TMEM132B: variants seen among roughly 807,000 people sequenced by gnomAD.
TMEM132B encodes transmembrane protein 132B.
TMEM132B carries 18 observed loss-of-function variants against 90.8 expected under a neutral mutation model. The observed-to-expected ratio is 0.20, with a 90% CI of 0.14 to 0.29. TMEM132B has a LOEUF of 0.29. Among genes scored for constraint, TMEM132B ranks in the 10% least tolerant of loss-of-function variants. TMEM132B has a pLI of 1.00. For synonymous variants in TMEM132B, 504 were observed against 523.3 expected (o/e 0.96, Z 0.50); for missense variants, 1,096 against 1,326.8 (o/e 0.83, Z 2.70).
rs1196499198 is a variant in TMEM132B, at chr12:125,609,000, T to C, written c.1437+25006T>C. Among the ~76,000 whole-genome samples, 6 of 152,200 alleles carry C rather than the reference T, an allele frequency of 3.9e-5. No homozygotes were observed. The East Asian group carries it at 1.2e-3, about 29-fold the overall frequency. On this transcript the variant is annotated intron_variant, in intron 5 of 8. Coordinates refer to ENST00000682704, the MANE Select transcript of TMEM132B (RefSeq NM_001366854.1). ...GGAGGCCTCAGGCAACTTACAATCA[T>C]GGTGGAAGGCACCTTTTCACAGAGC...
At chr12:125,499,420 A>G (rs988380583) in intron 3 of TMEM132B, among the ~76,000 whole-genome samples, 1 of 152,234 alleles carries the variant, frequency 6.6e-6, no homozygotes, top group Non-Finnish European at 1.5e-5. Context: ...TGTAAAGACA[A>G]TGCCAGGTTG....
chr12:125,194,192 A>G (rs1416439626), intron 1 of TMEM132B, among the ~76,000 whole-genome samples: 2 of 151,548 alleles, frequency 1.3e-5, no homozygotes, highest in South Asian at 4.2e-4. Flanking sequence ...AATACAGTCC[A>G]ATTTGATTTG....
At chr12:125,306,310 GGTTT>G (rs1565997819) in intron 1 of TMEM132B, among the ~76,000 whole-genome samples, 2 of 152,224 alleles carry the variant, frequency 1.3e-5, no homozygotes, top group Non-Finnish European at 2.9e-5. Flanking sequence ...TGGAGCCTCA[GGTTT>G]TAGCAGATGG....
chr12:125,471,120 C>T (rs192189246), intron 3 of TMEM132B, among the ~76,000 whole-genome samples: 238 of 152,354 alleles, frequency 1.6e-3, no homozygotes, highest in Non-Finnish European at 1.8e-3. Context: ...TCCTGGTGTC[C>T]CATGAGCTCA....
At chr12:125,413,204 T>G (rs889381148) in intron 2 of TMEM132B, among the ~76,000 whole-genome samples, 2 of 152,184 alleles carry the variant, frequency 1.3e-5, no homozygotes, top group African/African-American at 4.8e-5. Context: ...AACTCTACCA[T>G]GAGAGGCTGC....
chr12:125,611,517 A>G (rs1885826517), intron 5 of TMEM132B, among the ~76,000 whole-genome samples: 1 of 151,934 alleles, frequency 6.6e-6, no homozygotes, highest in Admixed American at 6.6e-5. Context: ...GAGAACTTAT[A>G]TTTTTATATA....
intron 3 of TMEM132B, among the ~76,000 whole-genome samples, chr12:125,418,522 T>C (rs1880085370): frequency 6.6e-6 from 1 of 152,230 alleles, no homozygotes; most frequent in Admixed American, 6.5e-5. Flanking sequence ...TATCCCTTTT[T>C]TTGTTGAATT....
intron 3 of TMEM132B, among the ~76,000 whole-genome samples, chr12:125,511,905 C>A (rs988314575): frequency 6.6e-6 from 1 of 151,348 alleles, no homozygotes; most frequent in African/African-American, 2.4e-5. Flanking sequence ...AATTTCCTAG[C>A]TGGAAATCAC....
intron 4 of TMEM132B, among the ~76,000 whole-genome samples, chr12:125,522,398 G>T (rs1883330879): frequency 6.6e-6 from 1 of 152,190 alleles, no homozygotes; most frequent in Non-Finnish European, 1.5e-5. Flanking sequence ...GAAGTGAAGA[G>T]AACTCTAAAG....
intron 1 of TMEM132B, among the ~76,000 whole-genome samples, chr12:125,205,778 A>G (rs1322791283): frequency 6.6e-6 from 1 of 152,176 alleles, no homozygotes; most frequent in Non-Finnish European, 1.5e-5. Context: ...AGCCTTGGAA[A>G]CCACGTCCGT....
intron 4 of TMEM132B, among the ~76,000 whole-genome samples, chr12:125,555,121 G>T (rs1566072157): frequency 6.6e-6 from 1 of 152,130 alleles, no homozygotes; most frequent in Non-Finnish European, 1.5e-5. Context: ...CTAGCAATGA[G>T]GTTTGTACTT....
chr12:125,438,446 T>A (rs1880763949), intron 3 of TMEM132B, among the ~76,000 whole-genome samples: 1 of 152,192 alleles, frequency 6.6e-6, no homozygotes, highest in Non-Finnish European at 1.5e-5. Context: ...GGTCAGCAAA[T>A]AAGCTAATTG....
chr12:125,524,349 C>T (rs939706558), intron 4 of TMEM132B, among the ~76,000 whole-genome samples: 4 of 152,326 alleles, frequency 2.6e-5, no homozygotes, highest in East Asian at 3.9e-4. Flanking sequence ...CAGCCAGTTT[C>T]GTTATCCTAT....
At chr12:125,559,558 T>C (rs1448297268) in intron 4 of TMEM132B, among the ~76,000 whole-genome samples, 1 of 152,214 alleles carries the variant, frequency 6.6e-6, no homozygotes, top group Admixed American at 6.5e-5. Flanking sequence ...CCAGACGCCC[T>C]CCTGGTCTCA....
intron 5 of TMEM132B, among the ~76,000 whole-genome samples, chr12:125,640,144 A>C (rs1886593204): frequency 6.6e-6 from 1 of 152,114 alleles, no homozygotes; most frequent in Non-Finnish European, 1.5e-5. Context: ...TTGATCAAGG[A>C]GATGTTTCCC....
chr12:125,605,903 T>C (rs1885684768), intron 5 of TMEM132B, among the ~76,000 whole-genome samples: 1 of 152,110 alleles, frequency 6.6e-6, no homozygotes, highest in Non-Finnish European at 1.5e-5. Context: ...GAATTAGATA[T>C]GGGCAGCAAA....
chr12:125,550,072 G>A (rs1371949773), intron 4 of TMEM132B, among the ~76,000 whole-genome samples: 2 of 152,192 alleles, frequency 1.3e-5, no homozygotes, highest in East Asian at 3.9e-4. Context: ...CAGGGGAAGG[G>A]CTTTTCATCC....
intron 2 of TMEM132B, among the ~76,000 whole-genome samples, chr12:125,360,834 C>T (rs571714573): frequency 2.6e-5 from 4 of 151,614 alleles, no homozygotes; most frequent in South Asian, 4.2e-4. Context: ...AGGAAGCTCT[C>T]GAGAGGCAAG....
At chr12:125,278,951 G>A (rs1875082505) in intron 1 of TMEM132B, among the ~76,000 whole-genome samples, 1 of 152,196 alleles carries the variant, frequency 6.6e-6, no homozygotes, top group South Asian at 2.1e-4. Flanking sequence ...GGGAAGATCT[G>A]TTTGGCCACC....
Sources: allele counts gnomAD v4.1 joint callset (sites outside exome capture counted in the v4.1 genomes callset), GRCh38; gene constraint gnomAD v4.1.1; transcripts MANE v1.5; gene names NCBI Gene and HGNC (gene_info 2026-07-23, HGNC 2026-07-21).